Variants in FBXL17 observed in about 807,000 individuals in gnomAD.
FBXL17 encodes the protein F-box/LRR-repeat protein 17.
In FBXL17, 22 loss-of-function variants were observed where a neutral mutation model predicts 66.2. The ratio of observed to expected loss-of-function variants is 0.33; its 90% CI spans 0.24 to 0.47. FBXL17 has a LOEUF of 0.47. FBXL17 is among the 20% of genes least tolerant of loss of function. The pLI is 1.00. For synonymous variants in FBXL17, 474 were observed against 400.5 expected (o/e 1.18, Z -2.19); for missense variants, 878 against 948.2 (o/e 0.93, Z 0.97).
chr5:108,381,550 G>T lies in FBXL17; in HGVS notation c.142C>A (p.Pro48Thr). The change falls in exon 1 of 9, where the codon CCC becomes ACC. Residue 48 changes from proline to threonine, a missense_variant. Around this residue, in one of 4 missense-constraint regions of FBXL17, gnomAD observed 605 missense variants for 509.5 expected, o/e 1.19. Coordinates refer to ENST00000542267, the MANE Select transcript of FBXL17 (RefSeq NM_001163315.3). ...CGGAAGAAGCAGTCCCGGCTCCGGG[G>T]CGCCGCCGGCTGAGGGGGCACCTTG... ...PAKVPPQPAA[P>T]RSRDCFFRGP... is the part of the protein sequence containing the mutation. 6 of 1,429,154 alleles carry T rather than the reference G, an allele frequency of 4.2e-6. No individual in the cohort carries two copies. Among genetic ancestry groups the T allele is most frequent in the Non-Finnish European group, 3.6e-6 (4 of 1,099,848 alleles). 88.5% of individuals were successfully genotyped at this position (1,429,154 alleles called of 1,614,324 possible). A position where few individuals can be genotyped will look rare whatever the true frequency, so the allele number is the denominator to read the frequency against.
chr5:107,883,300 G>C (rs111367208), intron 7 of FBXL17, among the ~76,000 whole-genome samples: 1 of 152,190 alleles, frequency 6.6e-6, no homozygotes, highest in Non-Finnish European at 1.5e-5. Context: ...GTAAGTGGGG[G>C]AGTGGATTTT....
At chr5:108,014,679 A>T (rs1222923939) in intron 7 of FBXL17, among the ~76,000 whole-genome samples, 1 of 152,220 alleles carries the variant, frequency 6.6e-6, no homozygotes, top group Admixed American at 6.5e-5. Context: ...GAAAGGAGAA[A>T]AGATTAATAA....
At chr5:107,898,633 G>A (rs1458374148) in intron 7 of FBXL17, among the ~76,000 whole-genome samples, 1 of 151,912 alleles carries the variant, frequency 6.6e-6, no homozygotes, top group African/African-American at 2.4e-5. Flanking sequence ...CCTCCACCTC[G>A]CAACAGGCCC....
chr5:108,278,417 C>G (rs897810387), intron 4 of FBXL17, among the ~76,000 whole-genome samples: 2 of 152,216 alleles, frequency 1.3e-5, no homozygotes, highest in Non-Finnish European at 2.9e-5. Flanking sequence ...GCATGCAGAA[C>G]AGAGGCACAA....
At chr5:108,128,772 G>A (rs1032986542) in intron 6 of FBXL17, among the ~76,000 whole-genome samples, 2 of 151,968 alleles carry the variant, frequency 1.3e-5, no homozygotes, top group African/African-American at 4.8e-5. Flanking sequence ...GAAAGCAACT[G>A]GGAAACACCA....
At chr5:108,366,303 CA>C (rs1748660613) in intron 2 of FBXL17, among the ~76,000 whole-genome samples, 1 of 151,876 alleles carries the variant, frequency 6.6e-6, no homozygotes, top group Non-Finnish European at 1.5e-5. Context: ...ACCACATTTC[CA>C]AAATACAAAA....
chr5:108,353,616 C>T (rs1747781571), intron 3 of FBXL17, among the ~76,000 whole-genome samples: 2 of 152,108 alleles, frequency 1.3e-5, no homozygotes, highest in South Asian at 4.1e-4. Flanking sequence ...TTTACCAGAG[C>T]CTAACCTGTG....
chr5:108,353,433 C>T (rs756282477), intron 3 of FBXL17, among the ~76,000 whole-genome samples: 3 of 152,166 alleles, frequency 2.0e-5, no homozygotes, highest in African/African-American at 4.8e-5. Context: ...GGTTATAAGA[C>T]AACACTCATG....
intron 7 of FBXL17, among the ~76,000 whole-genome samples, chr5:107,957,589 T>C (rs1296557812): frequency 1.3e-5 from 2 of 152,268 alleles, no homozygotes; most frequent in East Asian, 1.9e-4. Flanking sequence ...GACATATGCG[T>C]TCTAAATTTG....
At chr5:107,867,593 T>C (rs1748311929) in intron 8 of FBXL17, among the ~76,000 whole-genome samples, 1 of 152,258 alleles carries the variant, frequency 6.6e-6, no homozygotes, top group Non-Finnish European at 1.5e-5. Context: ...TTTTGTGACA[T>C]TTAAGCTCCC....
intron 7 of FBXL17, among the ~76,000 whole-genome samples, chr5:107,938,413 G>A (rs1043590379): frequency 4.6e-5 from 7 of 152,114 alleles, no homozygotes; most frequent in African/African-American, 1.2e-4. Flanking sequence ...AAAGTCACTA[G>A]TTTCTATGAA....
chr5:107,980,961 C>T (rs1425551989), intron 7 of FBXL17, among the ~76,000 whole-genome samples: 21 of 152,006 alleles, frequency 1.4e-4, no homozygotes, highest in Non-Finnish European at 2.1e-4. Context: ...TATTTTTTAA[C>T]ACAACAGCTA....
Position 108,290,706 on chromosome 5 carries a change from C to T in FBXL17, c.1506+57693G>A, listed in dbSNP as rs1032164779. ...AACACTGATCTCCATTTATTTAGAT[C>T]CTATATCTTTCAACAAAGTTGTATA... On this transcript the variant is annotated intron_variant, in intron 4 of 8. Coordinates refer to ENST00000542267, the MANE Select transcript of FBXL17 (RefSeq NM_001163315.3). Among the ~76,000 whole-genome samples the T allele has an allele frequency of 2.0e-5, 3 of 152,078 alleles. No homozygotes were observed. The South Asian group carries it at 6.2e-4, about 31-fold the overall frequency.
At chr5:108,205,194 C>G (rs751650676) in intron 5 of FBXL17, among the ~76,000 whole-genome samples, 1 of 152,094 alleles carries the variant, frequency 6.6e-6, no homozygotes, top group African/African-American at 2.4e-5. Context: ...ATTACGGGCA[C>G]AAAACTACAT....
At chr5:108,030,484 A>T (rs1367327911) in intron 6 of FBXL17, among the ~76,000 whole-genome samples, 1 of 152,170 alleles carries the variant, frequency 6.6e-6, no homozygotes, top group Non-Finnish European at 1.5e-5. Context: ...AACAACCAAC[A>T]TTCCCAATCC....
At chr5:108,107,720 G>A (rs1749859119) in intron 6 of FBXL17, among the ~76,000 whole-genome samples, 1 of 150,272 alleles carries the variant, frequency 6.7e-6, no homozygotes, top group Admixed American at 6.7e-5. Context: ...GCTGAGGCAG[G>A]AGAATGGCAT....
chr5:108,325,789 T>C (rs1014029940), intron 4 of FBXL17, among the ~76,000 whole-genome samples: 2 of 152,048 alleles, frequency 1.3e-5, no homozygotes, highest in African/African-American at 4.8e-5. Flanking sequence ...GAGTCAGAAG[T>C]AGAAACAGAA....
chr5:108,094,559 C>G (rs1483111607), intron 6 of FBXL17, among the ~76,000 whole-genome samples: 1 of 152,116 alleles, frequency 6.6e-6, no homozygotes, highest in Non-Finnish European at 1.5e-5. Context: ...TCTGCTCATT[C>G]ACATGAACAA....
At chr5:108,278,047 G>A (rs1757555564) in intron 4 of FBXL17, among the ~76,000 whole-genome samples, 1 of 152,150 alleles carries the variant, frequency 6.6e-6, no homozygotes, top group Non-Finnish European at 1.5e-5. Context: ...CTGCAAACTA[G>A]GAAGGAAAAG....
Sources: allele counts gnomAD v4.1 joint callset (sites outside exome capture counted in the v4.1 genomes callset), GRCh38; gene constraint gnomAD v4.1.1; regional missense constraint gnomAD v4.1.1; transcripts MANE v1.5; gene names NCBI Gene and HGNC (gene_info 2026-07-23, HGNC 2026-07-21).